The following TACC1 variants were observed in gnomAD, a reference collection of about 807,000 sequenced individuals.
TACC1 encodes the protein transforming acidic coiled-coil-containing protein 1.
TACC1 carries 48 observed loss-of-function variants against 84.4 expected under a neutral mutation model. The observed-to-expected ratio is 0.57, with a 90% CI of 0.45 to 0.72. TACC1 has a LOEUF of 0.72. Among genes scored for constraint, TACC1 ranks in the 30% least tolerant of loss-of-function variants. The pLI is 0.00. For missense variants in TACC1, 920 were observed against 973.0 expected (o/e 0.95, Z 0.72); for synonymous variants, 372 against 376.3 (o/e 0.99, Z 0.13).
Position 38,819,541 on chromosome 8 carries a change from A to T in TACC1, c.297A>T (p.Glu99Asp). 4 of 1,607,614 alleles carry T rather than the reference A, an allele frequency of 2.5e-6. No homozygotes were observed. Among genetic ancestry groups the T allele is most frequent in the Non-Finnish European group, 3.4e-6 (4 of 1,175,418 alleles). Residue 99 changes from glutamate (E) to aspartate (D), a missense_variant, in exon 3 of 13, where the codon GAA (glutamate) becomes GAT (aspartate). By Grantham distance (45) the Glu-to-Asp change is conservative (BLOSUM62 2). This residue lies in a region of TACC1 where 762 missense variants were observed against 747.3 expected (regional missense o/e 1.02). Transcript: ENST00000317827. The stretch of plus-strand genomic sequence containing the variant: ...TTTTAGAATCACAAGAAGCTGATGA[A>T]CAGCTTGTAGCAGAAGTGGTTGAAA... Reference protein sequence around the residue: ...AKSQESQEADEQLVAEVVEKC... With the variant: ...AKSQESQEADDQLVAEVVEKC...
chr8:38,787,280 G>C lies in TACC1; in HGVS notation c.-303G>C. 1 of 1,091,744 alleles carries C rather than the reference G, an allele frequency of 9.2e-7. No individual in the cohort carries two copies. Among genetic ancestry groups the C allele is most frequent in the Non-Finnish European group, 1.1e-6 (1 of 898,636 alleles). The allele number at this position is 1,091,744 out of a possible 1,614,324, so 67.6% of individuals were successfully genotyped here. A position where few individuals can be genotyped will look rare whatever the true frequency, so the allele number is the denominator to read the frequency against. ...GGGAGCAGCAGAGGTCTAGCAGCCG[G>C]GCGCCGCGGGCCGGGGGCCTGAGGA... is the stretch of plus-strand genomic sequence containing the variant. On this transcript the variant is annotated 5_prime_UTR_variant, in exon 1 of 13. Coordinates refer to ENST00000317827, the MANE Select transcript of TACC1 (RefSeq NM_006283.3).
In TACC1 at chr8:38,747,671, C is replaced by T. The variant is rs557149151; in HGVS notation, c.26+2178C>T. 3.3e-5 allele frequency among the ~76,000 whole-genome samples: 5 copies of T among 152,202 alleles called. No homozygotes were observed. The East Asian group carries it at 5.8e-4, about 18-fold the overall frequency. On this transcript the variant is annotated intron_variant, in intron 3 of 14. Transcript: ENST00000518415. ...GGCAAAACCATGGAGACAAAAAGAT[C>T]AGTAGTTGCCAAGGGTTGGGCAGAG...
chr8:38,780,277 T>A (rs1815674794), intron 3 of TACC1, among the ~76,000 whole-genome samples: 1 of 144,304 alleles, frequency 6.9e-6, no homozygotes, highest in Non-Finnish European at 1.6e-5. Flanking sequence ...TTTAACTTGA[T>A]CTTTTTTCCC....
chr8:38,828,560 G>A (rs574554665), intron 5 of TACC1, among the ~76,000 whole-genome samples: 9 of 152,332 alleles, frequency 5.9e-5, no homozygotes, highest in Non-Finnish European at 1.5e-5. Flanking sequence ...AGCAAGTCCT[G>A]TTTGTTCCAA....
chr8:38,797,783 A>G (rs1758102707), intron 2 of TACC1, among the ~76,000 whole-genome samples: 1 of 152,244 alleles, frequency 6.6e-6, no homozygotes, highest in Non-Finnish European at 1.5e-5. Context: ...ATCTCTGCAC[A>G]GGAGCCCCAT....
intron 2 of TACC1, among the ~76,000 whole-genome samples, chr8:38,795,090 G>GT (rs1302030068): frequency 2.0e-5 from 3 of 152,104 alleles, no homozygotes; most frequent in East Asian, 3.9e-4. Flanking sequence ...AGAGTCATGT[G>GT]TTTTTTTGTT....
Position 38,843,412 on chromosome 8 carries a change from G to T in TACC1, c.2228+17G>T, listed in dbSNP as rs756225327. On this transcript the variant is annotated intron_variant, in intron 11 of 12. Transcript: ENST00000317827. Reference sequence around the variant, plus strand: ...ACTGGACAAGTAAGAGCTTGTAAATGTTGAATTTCACTCTTCATGATGTTG... The same window carrying T: ...ACTGGACAAGTAAGAGCTTGTAAATTTTGAATTTCACTCTTCATGATGTTG... 1.3e-6 allele frequency: 2 copies of T among 1,564,132 alleles called. No individual in the cohort carries two copies. The highest frequency in any genetic ancestry group is 2.3e-5 in the South Asian group (2 of 85,266).
intron 2 of TACC1, among the ~76,000 whole-genome samples, chr8:38,799,462 C>T (rs192052355): frequency 2.7e-4 from 41 of 152,374 alleles, no homozygotes; most frequent in Admixed American, 2.4e-3. Flanking sequence ...TAGCCCTGTC[C>T]TGTTTCCCAG....
At chr8:38,789,846 G>A (rs1464369699) in intron 2 of TACC1, among the ~76,000 whole-genome samples, 1 of 152,212 alleles carries the variant, frequency 6.6e-6, no homozygotes, top group Non-Finnish European at 1.5e-5. Context: ...GGTCAGTGTG[G>A]ACTGACTACT....
In TACC1 at chr8:38,820,547, T is replaced by C. The variant is rs983161393; in HGVS notation, c.1303T>C (p.Leu435=). The stretch of plus-strand genomic sequence containing the variant: ...GGATCCCTTTAAACCAACTACGACC[T>C]TAACAAGCAGTGACTTTTGTTCTCC... ...SMDPFKPTTT[L]TSSDFCSPTG... The change falls in exon 3 of 13, where the codon TTA becomes CTA. Residue 435 remains leucine (L), a synonymous_variant. Transcript: ENST00000317827. 2.5e-6 allele frequency: 4 copies of C among 1,614,028 alleles called. No homozygotes were observed. Among genetic ancestry groups the C allele is most frequent in the Non-Finnish European group, 3.4e-6 (4 of 1,180,032 alleles).
In TACC1 at chr8:38,804,553, G is replaced by A. The variant is rs1055798201; in HGVS notation, c.278-14969G>A. 2.6e-5 allele frequency among the ~76,000 whole-genome samples: 4 copies of A among 152,000 alleles called. No homozygotes were observed. In the East Asian group the frequency reaches 5.8e-4, roughly 22 times the overall value. On this transcript the variant is annotated intron_variant, in intron 2 of 12. Transcript: ENST00000317827. ...TGACCTCAGGTGATCCACCAACCTC[G>A]GCCTCCCAAAGTGCTGGGATTACAG...
chr8:38,842,232 A>C, intron 9 of TACC1, 55 bp from the exon 10 acceptor site: 1 of 1,577,494 alleles, frequency 6.3e-7, no homozygotes, highest in African/African-American at 1.4e-5. Context: ...TTGTCTTCTA[A>C]GGAGTGTCTA....
upstream of TACC1, among the ~76,000 whole-genome samples, chr8:38,784,875 A>C (rs1004245789): frequency 1.6e-4 from 25 of 152,346 alleles, no homozygotes; most frequent in African/African-American, 6.0e-4. Context: ...TAAATATGTT[A>C]TATATGGTGT....
At chr8:38,776,602 T>C (rs1205366068) in intron 3 of TACC1, among the ~76,000 whole-genome samples, 1 of 152,240 alleles carries the variant, frequency 6.6e-6, no homozygotes, top group Non-Finnish European at 1.5e-5. Context: ...GCAGTTGTAA[T>C]AATTTTGTGC....
At chr8:38,752,616 G>C (rs555965130) in intron 3 of TACC1, among the ~76,000 whole-genome samples, 1 of 152,088 alleles carries the variant, frequency 6.6e-6, no homozygotes, top group Non-Finnish European at 1.5e-5. Flanking sequence ...TCCATCACAG[G>C]CCATGTGTCC....
At chr8:38,810,288 T>C (rs1587880693) in intron 2 of TACC1, among the ~76,000 whole-genome samples, 2 of 152,162 alleles carry the variant, frequency 1.3e-5, no homozygotes, top group African/African-American at 4.8e-5. Context: ...ATTCATATTT[T>C]TTAGGTAAAC....
intron 3 of TACC1, among the ~76,000 whole-genome samples, chr8:38,755,812 C>CATT (rs10680579): frequency 0.86 from 128,774 of 149,934 alleles, 55,455 homozygotes; most frequent in African/African-American, 0.89. Flanking sequence ...GTGAAGAGAT[C>CATT]ATTATTATTA....
chr8:38,742,308 A>G, intron 1 of TACC1: 1 of 865,616 alleles, frequency 1.2e-6, no homozygotes, highest in South Asian at 2.8e-5. Context: ...AACTTACCTT[A>G]TGATTAAGCA....
upstream of TACC1, chr8:38,785,819 A>G (rs546414923): frequency 2.8e-5 from 18 of 636,496 alleles, no homozygotes; most frequent in Middle Eastern, 7.9e-4. Context: ...TCACTTCTTT[A>G]TAGTCGCTAG....
Sources: gnomAD v4.1 joint callset for allele counts (sites outside exome capture counted in the v4.1 genomes callset) on GRCh38, gnomAD v4.1.1 for gene constraint, gnomAD v4.1.1 regional missense constraint, MANE v1.5 for transcripts, NCBI Gene and HGNC (gene_info 2026-07-23, HGNC 2026-07-21) for gene names.